The following ABL2 variants were observed in gnomAD, a reference collection of about 807,000 sequenced individuals.
ABL2 encodes the protein ABL proto-oncogene 2, non-receptor tyrosine kinase.
ABL2 carries 49 observed loss-of-function variants against 107.7 expected under a neutral mutation model. That is an observed-to-expected ratio of 0.45 (90% confidence interval 0.36 to 0.58). The LOEUF is 0.58. Ranked by LOEUF, ABL2 falls within the 20% of genes least tolerant of loss-of-function variation. The pLI is 0.00. For missense variants in ABL2, 1,245 were observed against 1,457.0 expected (o/e 0.85, Z 2.37); for synonymous variants, 549 against 548.6 (o/e 1.00, Z -0.01).
At chr1:179,147,180 G>GAA (rs759304566) in intron 1 of ABL2, among the ~76,000 whole-genome samples, 6 of 5,826 alleles carry the variant, frequency 1.0e-3, no homozygotes, top group East Asian at 7.2e-3. Context: ...TCAGAGAAAT[G>GAA]CAAAAAAAAA....
intron 3 of ABL2, among the ~76,000 whole-genome samples, chr1:179,130,944 T>C (rs1656256903): frequency 6.6e-6 from 1 of 151,210 alleles, no homozygotes. Flanking sequence ...TAATTTTTTT[T>C]TTTTTTTCTT....
intron 1 of ABL2, chr1:179,143,093 G>A (rs768711467): frequency 8.1e-6 from 13 of 1,597,308 alleles, no homozygotes. Context: ...TAAAGAGGAA[G>A]TCTTAGAATT....
intron 3 of ABL2, among the ~76,000 whole-genome samples, chr1:179,130,569 T>G (rs920118776): frequency 3.3e-5 from 5 of 152,122 alleles, no homozygotes; most frequent in African/African-American, 4.8e-5. Flanking sequence ...TGTCTATTGT[T>G]TGTGTTTATA....
chr1:179,177,042 A>G (rs1179027585), intron 1 of ABL2, among the ~76,000 whole-genome samples: 1 of 152,066 alleles, frequency 6.6e-6, no homozygotes, highest in African/African-American at 2.4e-5. Flanking sequence ...AAAGAGGTAC[A>G]CTTCTTTTTT....
intron 9 of ABL2, among the ~76,000 whole-genome samples, chr1:179,113,291 A>G (rs1654285400): frequency 6.6e-6 from 1 of 152,244 alleles, no homozygotes; most frequent in African/African-American, 2.4e-5. Flanking sequence ...GAGGAGAAAC[A>G]AGGAGATGTT....
intron 1 of ABL2, among the ~76,000 whole-genome samples, chr1:179,139,082 G>A (rs528323321): frequency 9.9e-5 from 15 of 152,284 alleles, no homozygotes; most frequent in African/African-American, 1.9e-4. Flanking sequence ...CTGCCTTCCC[G>A]CGGGGCAGGC....
chr1:179,202,623 T>C (rs1334735989), intron 1 of ABL2, among the ~76,000 whole-genome samples: 9 of 152,254 alleles, frequency 5.9e-5, no homozygotes, highest in Admixed American at 5.9e-4. Flanking sequence ...CAGTGATTGA[T>C]CTGTACCCTG....
chr1:179,221,105 G>C (rs1662841275), intron 1 of ABL2: 3 of 243,342 alleles, frequency 1.2e-5, no homozygotes, highest in Admixed American at 4.0e-5. Flanking sequence ...CCTCAGATGT[G>C]AAAGCCAGAC....
chr1:179,148,748 A>C (rs1658177800), intron 1 of ABL2, among the ~76,000 whole-genome samples: 1 of 152,062 alleles, frequency 6.6e-6, no homozygotes, highest in African/African-American at 2.4e-5. Context: ...AAAAATACAA[A>C]AATTAGCTGG....
chr1:179,115,336 A>G (rs1241805004), intron 8 of ABL2, among the ~76,000 whole-genome samples: 1 of 152,198 alleles, frequency 6.6e-6, no homozygotes, highest in Non-Finnish European at 1.5e-5. Flanking sequence ...TAATCCAACT[A>G]TTCTTAGAAA....
In ABL2 at chr1:179,107,576, G is replaced by C; in HGVS notation, c.*142C>G. The C allele has an allele frequency of 7.0e-7, 1 of 1,438,676 alleles. No homozygotes were observed. Among genetic ancestry groups the C allele is most frequent in the Non-Finnish European group, 9.2e-7 (1 of 1,088,370 alleles). 89.1% of individuals were successfully genotyped at this position (1,438,676 alleles called of 1,614,324 possible). On this transcript the variant is annotated 3_prime_UTR_variant, in exon 12 of 12. Coordinates refer to ENST00000502732, the MANE Select transcript of ABL2 (RefSeq NM_007314.4). ...ATTTTTGAGATGAAACTGTAAACGT[G>C]AGAACTCAGGGATCTGAGGTACTTC... is the stretch of plus-strand genomic sequence containing the variant.
chr1:179,103,739 G>A lies in ABL2; in HGVS notation c.*3979C>T, dbSNP rs1653291519. 4.4e-6 allele frequency: 1 copy of A among 229,004 alleles called. No individual in the cohort carries two copies. Among genetic ancestry groups the A allele is most frequent in the Non-Finnish European group, 8.7e-6 (1 of 115,150 alleles). The allele number at this position is 229,004 out of a possible 1,614,324, so 14.2% of individuals were successfully genotyped here. A position where few individuals can be genotyped will look rare whatever the true frequency, so the allele number is the denominator to read the frequency against. On this transcript the variant is annotated 3_prime_UTR_variant, in exon 12 of 12. Coordinates refer to ENST00000502732, the MANE Select transcript of ABL2 (RefSeq NM_007314.4). ...CCACACAGGCTGATTGTCGGTCTGA[G>A]CCACTTTTTTGCAGTGTCTCACATG...
chr1:179,168,295 T>A (rs1659510355), intron 1 of ABL2, among the ~76,000 whole-genome samples: 1 of 152,236 alleles, frequency 6.6e-6, no homozygotes, highest in Non-Finnish European at 1.5e-5. Flanking sequence ...TATGCACATC[T>A]TCTGATATAC....
intron 1 of ABL2, among the ~76,000 whole-genome samples, chr1:179,150,243 A>C (rs1467073818): frequency 6.6e-6 from 1 of 152,164 alleles, no homozygotes; most frequent in Non-Finnish European, 1.5e-5. Context: ...AAAATGAAAC[A>C]AAACATTTTA....
chr1:179,220,985 C>T, intron 1 of ABL2: 1 of 201,374 alleles, frequency 5.0e-6, no homozygotes, highest in South Asian at 1.1e-4. Flanking sequence ...ACTGGATGTA[C>T]TTTTACAAGT....
At chr1:179,185,271 T>C (rs1660618824) in intron 1 of ABL2, among the ~76,000 whole-genome samples, 1 of 152,178 alleles carries the variant, frequency 6.6e-6, no homozygotes, top group Admixed American at 6.5e-5. Context: ...GCTTCTCTTT[T>C]GGCATGTTAA....
rs1653383971 is a variant in ABL2, at chr1:179,105,112, T to G, written c.*2606A>C. The G allele has an allele frequency of 8.7e-6, 2 of 230,540 alleles. No individual in the cohort carries two copies. The highest frequency in any genetic ancestry group is 1.7e-5 in the Non-Finnish European group (2 of 116,418). The allele number at this position is 230,540 out of a possible 1,614,324, so 14.3% of individuals were successfully genotyped here. A position where few individuals can be genotyped will look rare whatever the true frequency, so the allele number is the denominator to read the frequency against. ...TAGTCAATGCCACTCTTGACAGTGT[T>G]GACAAAAATCAATTCCATTTATATA... On this transcript the variant is annotated 3_prime_UTR_variant, in exon 12 of 12. Transcript: ENST00000502732.
rs1557940029 is a variant in ABL2, at chr1:179,133,792, A to G, written c.158-418T>C. 4.6e-5 allele frequency among the ~76,000 whole-genome samples: 7 copies of G among 152,364 alleles called. No individual in the cohort carries two copies. In the South Asian group the frequency reaches 1.5e-3, roughly 32 times the overall value. ...TCCTACACATACATAACCATGATAC[A>G]ATTTAATTTATAAATTAGGCTCAGA... On this transcript the variant is annotated intron_variant, in intron 1 of 11. Coordinates refer to ENST00000502732, the MANE Select transcript of ABL2 (RefSeq NM_007314.4).
At chr1:179,131,267 T>C (rs1466089212) in intron 3 of ABL2, 44 bp downstream of exon 3, 1 of 1,590,188 alleles carries the variant, frequency 6.3e-7, no homozygotes, top group South Asian at 1.1e-5. Context: ...TCTTAATCAT[T>C]AATGAAAACT....
Sources: gnomAD v4.1 joint callset for allele counts (sites outside exome capture counted in the v4.1 genomes callset) on GRCh38, gnomAD v4.1.1 for gene constraint, MANE v1.5 for transcripts, NCBI Gene and HGNC (gene_info 2026-07-23, HGNC 2026-07-21) for gene names.